CEP76: variants seen among roughly 807,000 people sequenced by gnomAD.
CEP76 encodes centrosomal protein 76.
A neutral mutation model predicts 83.3 loss-of-function variants in CEP76; 55 were observed. The observed-to-expected ratio is 0.66, with a 90% CI of 0.53 to 0.83. The LOEUF is 0.83. Among genes scored for constraint, CEP76 ranks in the 40% least tolerant of loss-of-function variants. CEP76 has a pLI of 0.00. For missense variants in CEP76, 694 were observed against 799.5 expected (o/e 0.87, Z 1.59); for synonymous variants, 270 against 274.5 (o/e 0.98, Z 0.16).
In CEP76 at chr18:12,680,799, C is replaced by T. The variant is rs752162912; in HGVS notation, c.1152G>A (p.Leu384=). The part of the protein sequence containing the change: ...KGDCEDHANL[L]CSLLLGYGLE... ...ATCCATATCCAAGAAGAAGGCTGCA[C>T]AGAAGGTTAGCGTGATCTTCACAGT... The change falls in exon 9 of 12, where the codon CTG becomes CTA. Residue 384 remains leucine, a synonymous_variant. Transcript: ENST00000262127. The T allele has an allele frequency of 1.3e-5, 21 of 1,612,864 alleles. 1 individual carries two copies. In the South Asian group the frequency reaches 2.1e-4, roughly 16 times the overall value.
intron 12 of CEP76, among the ~76,000 whole-genome samples, chr18:12,667,575 CA>C (rs1310468093): frequency 4.0e-5 from 6 of 151,612 alleles, no homozygotes; most frequent in African/African-American, 1.2e-4. Context: ...GCCTGGCCAA[CA>C]TGGTGAAACC....
chr18:12,669,032 C>CTTTT (rs71174122), downstream of CEP76, among the ~76,000 whole-genome samples: 68 of 41,940 alleles, frequency 1.6e-3, 19 homozygotes, highest in South Asian at 3.4e-3. Context: ...ACCCCCCGCA[C>CTTTT]TTTTTTTTTT....
chr18:12,701,286 T>A (rs1366733861), intron 1 of CEP76, among the ~76,000 whole-genome samples, 173 bp from the exon 2 acceptor site: 1 of 152,178 alleles, frequency 6.6e-6, no homozygotes, highest in East Asian at 1.9e-4. Context: ...CTAGAAATAG[T>A]CTCCACTGGT....
At chr18:12,676,154 G>A (rs751219424) in intron 10 of CEP76, among the ~76,000 whole-genome samples, 2 of 151,878 alleles carry the variant, frequency 1.3e-5, no homozygotes. Context: ...AAAGATCCAC[G>A]ATTAACAATG....
Position 12,702,644 on chromosome 18 carries a change from C to A in CEP76, c.-96G>T. On this transcript the variant is annotated 5_prime_UTR_variant, in exon 1 of 12. Coordinates refer to ENST00000262127, the MANE Select transcript of CEP76 (RefSeq NM_024899.4). ...CAGGGAGCGTTAGGAGCGACTGGAG[C>A]ACAAAGCGCCGCAGCCGTTCGCCTA... The A allele has an allele frequency of 7.3e-7, 1 of 1,373,634 alleles. No homozygotes were observed. The highest frequency in any genetic ancestry group is 2.3e-5 in the Admixed American group (1 of 43,112). 85.1% of individuals were successfully genotyped at this position (1,373,634 alleles called of 1,614,324 possible).
chr18:12,672,227 G>C (rs147062966), downstream of CEP76, among the ~76,000 whole-genome samples: 2,722 of 151,328 alleles, frequency 0.018, 92 homozygotes, highest in African/African-American at 0.063. Context: ...CGATTCTCCT[G>C]CCTCAGCCTC....
intron 10 of CEP76, among the ~76,000 whole-genome samples, chr18:12,675,271 A>G (rs894718546): frequency 3.9e-5 from 6 of 152,058 alleles, no homozygotes; most frequent in Admixed American, 1.3e-4. Flanking sequence ...TGGCGGGTGC[A>G]TGTAGTCCCA....
chr18:12,675,230 A>G, intron 10 of CEP76, among the ~76,000 whole-genome samples: 1 of 152,076 alleles, frequency 6.6e-6, no homozygotes, highest in East Asian at 1.9e-4. Context: ...CCCTGTATCT[A>G]CTAAAAATAC....
rs751088597 is a variant in CEP76, at chr18:12,678,182, G to A, written c.1550C>T (p.Ser517Phe). 1 of 1,614,162 alleles carries A rather than the reference G, an allele frequency of 6.2e-7. No homozygotes were observed. Among genetic ancestry groups the A allele is most frequent in the Non-Finnish European group, 8.5e-7 (1 of 1,180,020 alleles). ...ACTTGTTACTGACGCGTCAATTGTG[G>A]ATGCACACAGAGGTGGAAAGGGAGG... ...SLPPFPPLCA[S>F]TIDASVTSNE... Residue 517 changes from serine to phenylalanine, a missense_variant, in exon 10 of 12, where the codon TCC (serine) becomes TTC (phenylalanine). Coordinates refer to ENST00000262127, the MANE Select transcript of CEP76 (RefSeq NM_024899.4).
At chr18:12,683,279 G>C (rs2039416886) in intron 8 of CEP76, among the ~76,000 whole-genome samples, 1 of 151,110 alleles carries the variant, frequency 6.6e-6, no homozygotes, top group Non-Finnish European at 1.5e-5. Flanking sequence ...TTGAGGCTGG[G>C]AGGCGGAGGT....
chr18:12,699,195 C>G lies in CEP76; in HGVS notation c.304G>C (p.Asp102His). 4.3e-6 allele frequency: 7 copies of G among 1,609,458 alleles called. No individual in the cohort carries two copies. Among genetic ancestry groups the G allele is most frequent in the Non-Finnish European group, 6.0e-6 (7 of 1,176,222 alleles). The change falls in exon 4 of 12, where the codon GAT (aspartate) becomes CAT (histidine). Residue 102 changes from aspartate (D) to histidine (H), a missense_variant. Asp to His is a moderately conservative substitution (Grantham distance 81). Transcript: ENST00000262127. ...RQSTLKKTNI[D>H]PTRRYLYLQV... ...AGGTAAAGATACCTCCGTGTTGGAT[C>G]AATATTAGCTGTAAAGTGTAGCAAT...
chr18:12,674,675 G>A lies in CEP76; in HGVS notation c.1702C>T (p.Arg568Cys), dbSNP rs1212120613. Reference protein sequence around the residue: ...SPALASYEFERTTSISAGNEE... With the variant: ...SPALASYEFECTTSISAGNEE... ...TTGCCTGCTGATATACTTGTTGTACGCTCAAATTCATAAGAAGCCAAAGCT... is the reference window on the plus strand; with the variant it reads ...TTGCCTGCTGATATACTTGTTGTACACTCAAATTCATAAGAAGCCAAAGCT... Residue 568 changes from arginine to cysteine, a missense_variant, in exon 11 of 12, where the codon CGT becomes TGT. By Grantham distance (180) the Arg-to-Cys change is radical (BLOSUM62 -3). Transcript: ENST00000262127. 2 of 1,613,938 alleles carry A rather than the reference G, an allele frequency of 1.2e-6. No homozygotes were observed. The highest frequency in any genetic ancestry group is 1.7e-6 in the Non-Finnish European group (2 of 1,179,950).
chr18:12,688,626 T>C (rs537936050), intron 7 of CEP76, among the ~76,000 whole-genome samples: 1 of 152,320 alleles, frequency 6.6e-6, no homozygotes, highest in Non-Finnish European at 1.5e-5. Flanking sequence ...CTTAACTGTT[T>C]TGAAAAGTTA....
chr18:12,698,420 T>C (rs1319834950), intron 4 of CEP76, among the ~76,000 whole-genome samples: 3 of 151,990 alleles, frequency 2.0e-5, no homozygotes, highest in Non-Finnish European at 4.4e-5. Context: ...CCACCTGCCT[T>C]GGCCTCCCAA....
Position 12,674,496 on chromosome 18 carries a change from CTCCTAAACTGAAAAAATGAT to C in CEP76, c.1841+20_1841+39del. On this transcript the variant is annotated intron_variant, in intron 11 of 11. Coordinates refer to ENST00000262127, the MANE Select transcript of CEP76 (RefSeq NM_024899.4). ...ACCCCTGCCGGACTGATCTGTAAGACTCCTAAACTGAAAAAATGATTCCGTAAATTACACCTTACCGAAGA... is the reference window on the plus strand; with the variant it reads ...ACCCCTGCCGGACTGATCTGTAAGACTCCGTAAATTACACCTTACCGAAGA... 1.4e-6 allele frequency: 2 copies of C among 1,447,504 alleles called. No homozygotes were observed. Among genetic ancestry groups the C allele is most frequent in the Non-Finnish European group, 1.9e-6 (2 of 1,031,894 alleles). 89.7% of individuals were successfully genotyped at this position (1,447,504 alleles called of 1,614,324 possible).
chr18:12,683,693 G>C (rs1237304556), intron 8 of CEP76, among the ~76,000 whole-genome samples: 1 of 151,752 alleles, frequency 6.6e-6, no homozygotes, highest in Non-Finnish European at 1.5e-5. Flanking sequence ...GGAGGTTGCA[G>C]TGGGCCGAGA....
At chr18:12,671,296 C>CA (rs2144967497), downstream of CEP76, among the ~76,000 whole-genome samples, 1 of 152,132 alleles carries the variant, frequency 6.6e-6, no homozygotes, top group East Asian at 1.9e-4. Context: ...AAAACGAAAT[C>CA]ATTTTATTTG....
exon 13 of CEP76, chr18:12,662,134 C>T (rs776418337): frequency 2.2e-6 from 1 of 449,036 alleles, no homozygotes; most frequent in South Asian, 1.6e-5. Flanking sequence ...TTTTCCCAGA[C>T]ACTTCTGGAC....
intron 8 of CEP76, among the ~76,000 whole-genome samples, chr18:12,683,795 GA>G (rs1383975082): frequency 6.6e-6 from 1 of 150,970 alleles, no homozygotes; most frequent in Non-Finnish European, 1.5e-5. Context: ...GCAACACATA[GA>G]AAAATGTTCA....
Sources: gnomAD v4.1 joint callset for allele counts (sites outside exome capture counted in the v4.1 genomes callset) on GRCh38, gnomAD v4.1.1 for gene constraint, MANE v1.5 for transcripts, NCBI Gene and HGNC (gene_info 2026-07-23, HGNC 2026-07-21) for gene names.